Variants in GPC5 observed in about 807,000 individuals in gnomAD.
GPC5 encodes the protein glypican-5.
GPC5 carries 47 observed loss-of-function variants against 53.9 expected under a neutral mutation model. That is an observed-to-expected ratio of 0.87 (90% confidence interval 0.69 to 1.11). The LOEUF (loss-of-function observed/expected upper bound fraction) is 1.11. Among genes scored for constraint, GPC5 ranks in the 50% most tolerant of loss-of-function variants. The pLI is 0.00. For synonymous variants in GPC5, 286 were observed against 263.3 expected, an observed-to-expected ratio of 1.09 and a Z score of -0.84; for missense variants, 748 against 713.1, an observed-to-expected ratio of 1.05 and a Z score of -0.56.
chr13:92,743,462 CT>C (rs1299935882), intron 7 of GPC5, among the ~76,000 whole-genome samples: 1 of 151,954 alleles, frequency 6.6e-6, no homozygotes, highest in Non-Finnish European at 1.5e-5. Flanking sequence ...CTGAAGTTGC[CT>C]AGCAGCTTAA....
In GPC5 at chr13:92,072,569, A is replaced by ATT. The variant is rs34169387; in HGVS notation, c.1402-72239_1402-72238dup. On this transcript the variant is annotated intron_variant, in intron 6 of 7. Transcript: ENST00000377067. ...GTGAGCCACTGTGCCTGGCCACTAA[A>ATT]TTTTTTTTTTTTTTTTTTTTTTTAT... Among the ~76,000 whole-genome samples, 379 of 103,952 alleles carry ATT rather than the reference A, an allele frequency of 3.6e-3. 6 individuals carry two copies. Among genetic ancestry groups the ATT allele is most frequent in the African/African-American group, 0.013 (359 of 26,892 alleles). The allele number at this position is 103,952 out of a possible 152,430, so 68.2% of individuals were successfully genotyped here.
chr13:92,796,468 G>T (rs1267033812), intron 7 of GPC5, among the ~76,000 whole-genome samples: 1 of 151,898 alleles, frequency 6.6e-6, no homozygotes, highest in Non-Finnish European at 1.5e-5. Context: ...TATGTAACCT[G>T]CACATTGTGC....
At chr13:91,991,459 C>A (rs2040455792) in intron 6 of GPC5, among the ~76,000 whole-genome samples, 2 of 152,120 alleles carry the variant, frequency 1.3e-5, no homozygotes, top group East Asian at 3.9e-4. Flanking sequence ...CTTACTAGTA[C>A]TATCTTTCAT....
intron 7 of GPC5, among the ~76,000 whole-genome samples, chr13:92,264,886 G>GTT (rs1275010608): frequency 1.6e-5 from 1 of 63,464 alleles, no homozygotes; most frequent in Non-Finnish European, 3.1e-5. Flanking sequence ...CTCTGTGTGT[G>GTT]TGTGTGTGTG....
intron 7 of GPC5, among the ~76,000 whole-genome samples, chr13:92,570,713 A>G (rs912888591): frequency 1.3e-5 from 2 of 152,166 alleles, no homozygotes; most frequent in Non-Finnish European, 2.9e-5. Flanking sequence ...TACAACCAAC[A>G]CAGCAGAACC....
intron 7 of GPC5, among the ~76,000 whole-genome samples, chr13:92,393,917 A>G (rs763284972): frequency 9.2e-5 from 14 of 152,012 alleles, no homozygotes; most frequent in East Asian, 1.9e-4. Context: ...TTTCCTTGAG[A>G]TTTTTTTATC....
intron 6 of GPC5, among the ~76,000 whole-genome samples, chr13:92,132,203 A>C (rs888846692): frequency 6.6e-6 from 1 of 152,158 alleles, no homozygotes; most frequent in African/African-American, 2.4e-5. Flanking sequence ...TGGTGGAAGA[A>C]AATTAATGAG....
intron 7 of GPC5, among the ~76,000 whole-genome samples, chr13:92,568,700 A>G (rs1227942341): frequency 1.3e-5 from 2 of 152,132 alleles, no homozygotes; most frequent in African/African-American, 4.8e-5. Context: ...CCCTGTACTA[A>G]GTGCTTCATA....
At chr13:91,850,495 A>C (rs557783196) in intron 5 of GPC5, among the ~76,000 whole-genome samples, 1 of 152,192 alleles carries the variant, frequency 6.6e-6, no homozygotes, top group Non-Finnish European at 1.5e-5. Context: ...ACCTATATGT[A>C]ATAAAAGACA....
At chr13:92,033,866 G>A (rs981137772) in intron 6 of GPC5, among the ~76,000 whole-genome samples, 1 of 152,188 alleles carries the variant, frequency 6.6e-6, no homozygotes. Flanking sequence ...CATGAAACAA[G>A]GGAATGTTAA....
chr13:91,945,588 G>T (rs891732877), intron 6 of GPC5, among the ~76,000 whole-genome samples: 2 of 152,152 alleles, frequency 1.3e-5, no homozygotes, highest in Non-Finnish European at 2.9e-5. Context: ...TGTGAAAGTT[G>T]AATTTCCTTG....
chr13:92,523,712 A>T (rs1207174823), intron 7 of GPC5, among the ~76,000 whole-genome samples: 1 of 152,124 alleles, frequency 6.6e-6, no homozygotes, highest in Non-Finnish European at 1.5e-5. Context: ...CCACATTTCA[A>T]CAAAACCTTT....
intron 2 of GPC5, among the ~76,000 whole-genome samples, chr13:91,688,908 C>G: frequency 6.6e-6 from 1 of 151,752 alleles, no homozygotes; most frequent in East Asian, 1.9e-4. Context: ...GCCTGTAATC[C>G]TAGCACTGTG....
chr13:91,867,407 A>G (rs1387095847), intron 5 of GPC5, among the ~76,000 whole-genome samples: 1 of 152,190 alleles, frequency 6.6e-6, no homozygotes, highest in Non-Finnish European at 1.5e-5. Flanking sequence ...GCAGTTTACC[A>G]ATTTAGAAAT....
intron 6 of GPC5, among the ~76,000 whole-genome samples, chr13:91,915,200 T>C (rs2039646683): frequency 6.6e-6 from 1 of 152,184 alleles, no homozygotes; most frequent in African/African-American, 2.4e-5. Context: ...TAGTTATCTT[T>C]TGGTTCAGGA....
At chr13:92,420,879 T>C (rs1177793126) in intron 7 of GPC5, among the ~76,000 whole-genome samples, 2 of 152,216 alleles carry the variant, frequency 1.3e-5, no homozygotes, top group African/African-American at 4.8e-5. Context: ...CATTTTCTTT[T>C]TCTATTCATC....
At chr13:92,162,997 TTCG>T (rs1353937563) in intron 7 of GPC5, among the ~76,000 whole-genome samples, 2 of 152,130 alleles carry the variant, frequency 1.3e-5, no homozygotes, top group Non-Finnish European at 1.5e-5. Context: ...CATCCCCATA[TTCG>T]TCATTACATT....
chr13:91,928,570 A>G (rs2039791419), intron 6 of GPC5, among the ~76,000 whole-genome samples: 1 of 152,118 alleles, frequency 6.6e-6, no homozygotes, highest in Non-Finnish European at 1.5e-5. Flanking sequence ...TAAATGAGGG[A>G]CAGGAAAAGA....
At position 91,656,224 on chromosome 13, in the gene GPC5, A is replaced by G. The variant is rs150105795; in HGVS notation, c.326-36963A>G. Among the ~76,000 whole-genome samples, 118 of 152,220 alleles carry G rather than the reference A, an allele frequency of 7.8e-4. 1 individual carries two copies. The highest frequency in any genetic ancestry group is 2.7e-3 in the African/African-American group (111 of 41,546). On this transcript the variant is annotated intron_variant, in intron 2 of 7. Transcript: ENST00000377067. ...CATTGACAGATGAATTTATTGTCCTATTTTCTACCTAGTTGCATGTGCTTT... is the reference window on the plus strand; with the variant it reads ...CATTGACAGATGAATTTATTGTCCTGTTTTCTACCTAGTTGCATGTGCTTT...
Sources: allele counts gnomAD v4.1 joint callset (sites outside exome capture counted in the v4.1 genomes callset), GRCh38; gene constraint gnomAD v4.1.1; transcripts MANE v1.5; gene names NCBI Gene and HGNC (gene_info 2026-07-23, HGNC 2026-07-21).